Variants in MID1 observed in about 807,000 individuals in gnomAD.
MID1 encodes the protein midline 1.
MID1 carries 7 observed loss-of-function variants against 40.4 expected under a neutral mutation model. That is an observed-to-expected ratio of 0.17 (90% CI 0.10 to 0.33). MID1 has a LOEUF of 0.33. Among genes scored for constraint, MID1 ranks in the 10% least tolerant of loss-of-function variants. The pLI, the probability that MID1 is intolerant of heterozygous loss-of-function variation, is 1.00. For synonymous variants in MID1, 229 were observed against 221.2 expected, an observed-to-expected ratio of 1.04 and a Z score of -0.31; for missense variants, 367 against 558.5, an observed-to-expected ratio of 0.66 and a Z score of 3.46.
chrX:10,656,841 G>A (rs1385118854), intron 1 of MID1, among the ~76,000 whole-genome samples: 8 of 110,509 alleles, frequency 7.2e-5, no homozygotes, highest in African/African-American at 6.6e-5. Context: ...GCAGGCACCC[G>A]TGGAGTCTGT....
At chrX:10,456,664 C>CCAT (rs1275469253) in intron 8 of MID1, among the ~76,000 whole-genome samples, 2 of 111,345 alleles carry the variant, frequency 1.8e-5, no homozygotes, top group Non-Finnish European at 3.8e-5. Flanking sequence ...TGGTAAAACC[C>CCAT]CATCTCTACT....
upstream of MID1, among the ~76,000 whole-genome samples, chrX:10,620,883 G>A (rs1437360350): frequency 8.9e-6 from 1 of 112,038 alleles, no homozygotes; most frequent in Non-Finnish European, 1.9e-5. Context: ...AATTATTTCA[G>A]CCAGAAAAGT....
intron 1 of MID1, among the ~76,000 whole-genome samples, chrX:10,801,498 T>C (rs752103515): frequency 1.8e-5 from 2 of 112,042 alleles, no homozygotes; most frequent in South Asian, 7.5e-4. Context: ...TTCTGGTCAA[T>C]TCACTTACTC....
chrX:10,584,930 G>A (rs1265779385), intron 1 of MID1, among the ~76,000 whole-genome samples: 1 of 111,045 alleles, frequency 9.0e-6, no homozygotes, highest in East Asian at 2.8e-4. Flanking sequence ...CCCTTTTAAA[G>A]GCTCATAACT....
intron 1 of MID1, among the ~76,000 whole-genome samples, chrX:10,785,830 A>G (rs961629353): frequency 8.9e-6 from 1 of 112,455 alleles, no homozygotes; most frequent in Admixed American, 9.4e-5. Flanking sequence ...GATGGATTAA[A>G]GATTTAAATG....
intron 2 of MID1, among the ~76,000 whole-genome samples, chrX:10,535,397 T>C (rs1278311415): frequency 1.8e-5 from 2 of 112,438 alleles, no homozygotes; most frequent in Admixed American, 1.9e-4. Flanking sequence ...ATGCAGCTTA[T>C]ATGTATATAA....
chrX:10,744,623 C>T (rs1422215843), intron 1 of MID1, among the ~76,000 whole-genome samples: 1 of 111,362 alleles, frequency 9.0e-6, no homozygotes, highest in Non-Finnish European at 1.9e-5. Context: ...TAGTTGGTGA[C>T]CTTGGGTGAG....
intron 1 of MID1, among the ~76,000 whole-genome samples, chrX:10,656,835 G>T (rs1358549377): frequency 9.0e-6 from 1 of 110,597 alleles, no homozygotes; most frequent in African/African-American, 3.3e-5. Flanking sequence ...GCTCTTGCAG[G>T]CACCCGTGGA....
intron 1 of MID1, among the ~76,000 whole-genome samples, chrX:10,785,888 A>G (rs1201776631): frequency 1.8e-5 from 2 of 112,179 alleles, no homozygotes; most frequent in African/African-American, 6.5e-5. Flanking sequence ...AGGTATTACC[A>G]TTCAGGACAT....
chrX:10,570,934 A>C (rs1057220176), intron 1 of MID1, among the ~76,000 whole-genome samples: 1 of 111,496 alleles, frequency 9.0e-6, no homozygotes, highest in Non-Finnish European at 1.9e-5. Flanking sequence ...AGAGGTATGA[A>C]TAAAATGCTG....
intron 1 of MID1, among the ~76,000 whole-genome samples, chrX:10,668,941 C>T (rs933865741): frequency 8.1e-5 from 9 of 111,611 alleles, no homozygotes; most frequent in African/African-American, 2.9e-4. Flanking sequence ...AGGACACGGC[C>T]GGGCGCGGTG....
intron 2 of MID1, among the ~76,000 whole-genome samples, chrX:10,548,383 T>A (rs1041438984): frequency 8.9e-6 from 1 of 111,991 alleles, no homozygotes; most frequent in Non-Finnish European, 1.9e-5. Context: ...CAGAGGGATG[T>A]CAATTTGTGA....
At chrX:10,752,001 G>A (rs1033832276) in intron 1 of MID1, among the ~76,000 whole-genome samples, 3 of 111,569 alleles carry the variant, frequency 2.7e-5, no homozygotes, top group African/African-American at 9.8e-5. Flanking sequence ...CTCTTGCCAT[G>A]TGACATGGCT....
intron 3 of MID1, among the ~76,000 whole-genome samples, chrX:10,499,906 G>A (rs1931456813): frequency 8.9e-6 from 1 of 112,239 alleles, no homozygotes; most frequent in Non-Finnish European, 1.9e-5. Context: ...GAAAATCTTA[G>A]GCTATCTCCA....
intron 3 of MID1, chrX:10,505,686 G>C (rs1221115176): frequency 1.3e-6 from 1 of 752,474 alleles, no homozygotes; most frequent in Non-Finnish European, 1.6e-6. Flanking sequence ...TTAATGGAGT[G>C]CCAGGAAAGA....
chrX:10,795,743 C>T (rs1602582775), intron 1 of MID1, among the ~76,000 whole-genome samples: 2 of 112,375 alleles, frequency 1.8e-5, no homozygotes, highest in Admixed American at 9.4e-5. Flanking sequence ...ACTTTAATGA[C>T]AATGTATTTA....
chrX:10,510,353 C>G (rs2147345157), intron 3 of MID1, among the ~76,000 whole-genome samples: 1 of 111,575 alleles, frequency 9.0e-6, no homozygotes, highest in East Asian at 2.8e-4. Flanking sequence ...AATCCTCACC[C>G]CTATGAGGAA....
At chrX:10,685,729 TG>T (rs1178825774) in intron 1 of MID1, among the ~76,000 whole-genome samples, 1 of 111,584 alleles carries the variant, frequency 9.0e-6, no homozygotes, top group East Asian at 2.8e-4. Context: ...TAATTTCCCC[TG>T]TATCTTTGGG....
At chrX:10,748,486 T>G in intron 1 of MID1, among the ~76,000 whole-genome samples, 1 of 111,906 alleles carries the variant, frequency 8.9e-6, no homozygotes, top group Non-Finnish European at 1.9e-5. Flanking sequence ...GTTGATGTCT[T>G]TGCATTGAGG....
Sources: gnomAD v4.1 joint callset for allele counts (sites outside exome capture counted in the v4.1 genomes callset) on GRCh38, gnomAD v4.1.1 for gene constraint, MANE v1.5 for transcripts, NCBI Gene and HGNC (gene_info 2026-07-23, HGNC 2026-07-21) for gene names.